Variants in CSMD1 observed in about 807,000 individuals in gnomAD.
CSMD1 encodes the protein CUB and Sushi multiple domains 1.
Under a neutral mutation model 417.5 loss-of-function variants are expected in CSMD1, and 213 were observed. That is an observed-to-expected ratio of 0.51 (90% CI 0.46 to 0.57). CSMD1 has a LOEUF of 0.57. CSMD1 is among the 20% of genes least tolerant of loss of function. The probability of loss-of-function intolerance (pLI) is 0.00; values close to 1 mark genes in which losing one functional copy is unlikely to be tolerated. For synonymous variants in CSMD1, 2,862 were observed against 1,736.8 expected, an observed-to-expected ratio of 1.65 and a Z score of -16.11; for missense variants, 6,923 against 4,529.7, an observed-to-expected ratio of 1.53 and a Z score of -15.17.
intron 41 of CSMD1, among the ~76,000 whole-genome samples, chr8:3,136,217 A>G (rs1320155535): frequency 6.7e-6 from 1 of 149,752 alleles, no homozygotes; most frequent in East Asian, 2.0e-4. Flanking sequence ...ACACGTGTCT[A>G]TGTGTTGCAG....
chr8:3,979,901 G>C (rs1030040720), intron 5 of CSMD1, among the ~76,000 whole-genome samples: 1 of 152,182 alleles, frequency 6.6e-6, no homozygotes, highest in Non-Finnish European at 1.5e-5. Context: ...TAAACTGAAA[G>C]GCATACTCCA....
intron 1 of CSMD1, among the ~76,000 whole-genome samples, chr8:4,780,125 C>T (rs1160014297): frequency 6.6e-6 from 1 of 152,186 alleles, no homozygotes; most frequent in Non-Finnish European, 1.5e-5. Context: ...ACATTTACTA[C>T]AGTCACAGAC....
At chr8:4,037,097 T>C (rs890964270) in intron 3 of CSMD1, among the ~76,000 whole-genome samples, 4 of 152,138 alleles carry the variant, frequency 2.6e-5, no homozygotes, top group Non-Finnish European at 5.9e-5. Flanking sequence ...ACTGGAATAA[T>C]TGGATAAATT....
Position 3,693,773 on chromosome 8 carries a change from T to C in CSMD1, c.1009+14641A>G, listed in dbSNP as rs2624064. Among the ~76,000 whole-genome samples, 805 of 152,112 alleles carry C rather than the reference T, an allele frequency of 5.3e-3. 9 individuals are homozygous for C. Among genetic ancestry groups the C allele is most frequent in the African/African-American group, 0.018 (749 of 41,506 alleles). ...GTGTTGTATGTGTGTTTTGTGTGTA[T>C]TGAATATAGATGTGTGTTGGCGTCG... is the stretch of plus-strand genomic sequence containing the variant. On this transcript the variant is annotated intron_variant, in intron 7 of 69. Coordinates refer to ENST00000635120, the MANE Select transcript of CSMD1 (RefSeq NM_033225.6).
chr8:3,316,308 A>G (rs1805754088), intron 23 of CSMD1, among the ~76,000 whole-genome samples: 1 of 152,292 alleles, frequency 6.6e-6, no homozygotes, highest in South Asian at 2.1e-4. Context: ...AAAATAAAGG[A>G]AAATAATGAG....
At chr8:3,674,075 C>A (rs1799237166) in intron 7 of CSMD1, among the ~76,000 whole-genome samples, 2 of 152,042 alleles carry the variant, frequency 1.3e-5, no homozygotes, top group South Asian at 4.1e-4. Context: ...CATTGCACTC[C>A]AGCTTGAGTG....
chr8:3,729,561 G>C (rs918580895), intron 6 of CSMD1, among the ~76,000 whole-genome samples: 1 of 152,144 alleles, frequency 6.6e-6, no homozygotes, highest in Non-Finnish European at 1.5e-5. Flanking sequence ...TGTCCAGAAG[G>C]TATCGGGTCA....
intron 1 of CSMD1, among the ~76,000 whole-genome samples, chr8:4,782,668 G>A (rs1043609302): frequency 6.6e-6 from 1 of 152,088 alleles, no homozygotes; most frequent in African/African-American, 2.4e-5. Context: ...TAGCTCTACT[G>A]TGACTCATAC....
intron 1 of CSMD1, among the ~76,000 whole-genome samples, chr8:4,825,887 G>C (rs1252214495): frequency 1.3e-5 from 2 of 151,812 alleles, no homozygotes; most frequent in East Asian, 3.9e-4. Flanking sequence ...ACATGAAAAG[G>C]TGCTGAACAT....
chr8:4,832,863 G>A (rs1056586472), intron 1 of CSMD1, among the ~76,000 whole-genome samples: 17 of 152,120 alleles, frequency 1.1e-4, no homozygotes, highest in African/African-American at 1.7e-4. Context: ...GTGTGAGGGC[G>A]TATGAGAACT....
chr8:3,293,860 A>G (rs1803763443), intron 25 of CSMD1, among the ~76,000 whole-genome samples: 2 of 152,212 alleles, frequency 1.3e-5, no homozygotes, highest in African/African-American at 2.4e-5. Context: ...GCTTTGTTCC[A>G]TTGCTGGTGA....
At chr8:3,568,792 G>A (rs1799825901) in intron 10 of CSMD1, among the ~76,000 whole-genome samples, 1 of 151,916 alleles carries the variant, frequency 6.6e-6, no homozygotes, top group East Asian at 1.9e-4. Flanking sequence ...GTAGAAGACA[G>A]GTCTTCCATG....
intron 7 of CSMD1, among the ~76,000 whole-genome samples, chr8:3,706,362 G>C (rs1191388673): frequency 2.0e-5 from 3 of 152,218 alleles, no homozygotes; most frequent in Non-Finnish European, 2.9e-5. Flanking sequence ...CCTTTCATCA[G>C]TGAAACAATT....
At chr8:3,608,526 G>T (rs1458896639) in intron 8 of CSMD1, among the ~76,000 whole-genome samples, 1 of 152,134 alleles carries the variant, frequency 6.6e-6, no homozygotes, top group Non-Finnish European at 1.5e-5. Flanking sequence ...CACTTAGGGA[G>T]GCCAAGGTGG....
chr8:4,585,545 A>C (rs2130713164), intron 2 of CSMD1, among the ~76,000 whole-genome samples: 1 of 152,306 alleles, frequency 6.6e-6, no homozygotes, highest in African/African-American at 2.4e-5. Flanking sequence ...GTAACTGATT[A>C]GAGACTTTGA....
intron 1 of CSMD1, among the ~76,000 whole-genome samples, chr8:4,754,826 G>A (rs574392076): frequency 3.4e-5 from 5 of 149,176 alleles, no homozygotes; most frequent in African/African-American, 7.4e-5. Context: ...TCCAGCCTGG[G>A]TGACGGAGCA....
intron 3 of CSMD1, among the ~76,000 whole-genome samples, chr8:4,124,799 A>G (rs556614309): frequency 6.6e-6 from 1 of 152,322 alleles, no homozygotes; most frequent in Admixed American, 6.5e-5. Context: ...CTCTAGTTGC[A>G]GCCTGATGTT....
intron 22 of CSMD1, among the ~76,000 whole-genome samples, chr8:3,344,956 T>C (rs1467533996): frequency 1.3e-4 from 20 of 152,212 alleles, no homozygotes; most frequent in Admixed American, 1.3e-3. Context: ...TATTCCATGT[T>C]TTTATTAGAC....
At chr8:3,618,634 A>G (rs946295684) in intron 7 of CSMD1, among the ~76,000 whole-genome samples, 3 of 152,178 alleles carry the variant, frequency 2.0e-5, no homozygotes, top group Non-Finnish European at 4.4e-5. Context: ...AAAGCTCCAG[A>G]CCTGTATTTC....
Sources: allele counts gnomAD v4.1 joint callset (sites outside exome capture counted in the v4.1 genomes callset), GRCh38; gene constraint gnomAD v4.1.1; transcripts MANE v1.5; gene names NCBI Gene and HGNC (gene_info 2026-07-23, HGNC 2026-07-21).